Variants in PPP1R12B observed in about 807,000 individuals in gnomAD.
PPP1R12B encodes the protein protein phosphatase 1 regulatory subunit 12B, also known as myosin phosphatase target subunit 2.
Under a neutral mutation model 126.1 loss-of-function variants are expected in PPP1R12B, and 76 were observed. The ratio of observed to expected loss-of-function variants is 0.60; its 90% CI spans 0.50 to 0.73. The LOEUF (loss-of-function observed/expected upper bound fraction) is 0.73, where lower values mean the gene tolerates loss of function less well. Among genes scored for constraint, PPP1R12B ranks in the 30% least tolerant of loss-of-function variants. The pLI, the probability that PPP1R12B is intolerant of heterozygous loss-of-function variation, is 0.00. For missense variants in PPP1R12B, 1,052 were observed against 1,205.1 expected, an observed-to-expected ratio of 0.87 and a Z score of 1.88; for synonymous variants, 356 against 434.7, an observed-to-expected ratio of 0.82 and a Z score of 2.25.
intron 18 of PPP1R12B, chr1:202,501,845 G>T (rs1192340738): frequency 1.1e-5 from 11 of 984,252 alleles, no homozygotes; most frequent in Non-Finnish European, 1.3e-5. Flanking sequence ...CATCCATTTG[G>T]TTTTTTTACT....
chr1:202,435,438 AT>A (rs767925709), intron 9 of PPP1R12B, among the ~76,000 whole-genome samples: 3 of 152,192 alleles, frequency 2.0e-5, no homozygotes, highest in Non-Finnish European at 4.4e-5. Context: ...TCCAGCATTC[AT>A]TGTTTTGGTG....
At chr1:202,445,145 C>T in intron 12 of PPP1R12B, 2 of 1,246,746 alleles carry the variant, frequency 1.6e-6, no homozygotes, top group Non-Finnish European at 2.0e-6. Context: ...GTTCATCTAC[C>T]TCTCGGGGCA....
chr1:202,349,930 C>A (rs556549445), intron 1 of PPP1R12B, among the ~76,000 whole-genome samples: 1 of 152,078 alleles, frequency 6.6e-6, no homozygotes, highest in Non-Finnish European at 1.5e-5. Flanking sequence ...ACTTCTGTCA[C>A]CTAATGCAGC....
At chr1:202,580,093 C>T (rs536162778) in intron 23 of PPP1R12B, among the ~76,000 whole-genome samples, 1 of 152,290 alleles carries the variant, frequency 6.6e-6, no homozygotes, top group South Asian at 2.1e-4. Context: ...CCTATGTCCT[C>T]ACCAGCCCAT....
At chr1:202,449,315 G>T in intron 13 of PPP1R12B, 144 bp downstream of exon 13, 2 of 1,339,690 alleles carry the variant, frequency 1.5e-6, no homozygotes, top group Non-Finnish European at 2.0e-6. Flanking sequence ...TCACTCTGTC[G>T]CCCAGGCTGG....
At chr1:202,365,939 A>G (rs1350833346) in intron 1 of PPP1R12B, among the ~76,000 whole-genome samples, 2 of 152,084 alleles carry the variant, frequency 1.3e-5, no homozygotes, top group African/African-American at 2.4e-5. Context: ...GCAATGAACT[A>G]TGATTGCACC....
At chr1:202,420,472 G>C (rs1365828165) in intron 2 of PPP1R12B, among the ~76,000 whole-genome samples, 4 of 152,220 alleles carry the variant, frequency 2.6e-5, no homozygotes, top group African/African-American at 9.6e-5. Context: ...GTGGAAGAGA[G>C]CTGGGTGAGA....
intron 9 of PPP1R12B, among the ~76,000 whole-genome samples, chr1:202,436,268 A>C (rs370191877): frequency 1.3e-5 from 2 of 151,472 alleles, no homozygotes; most frequent in Non-Finnish European, 2.9e-5. Flanking sequence ...CGTGTCTCAA[A>C]AACAACAACA....
At chr1:202,409,856 A>G (rs1667163355) in intron 1 of PPP1R12B, among the ~76,000 whole-genome samples, 1 of 152,028 alleles carries the variant, frequency 6.6e-6, no homozygotes, top group African/African-American at 2.4e-5. Context: ...ATGAGGTGCT[A>G]TCTCATTGTA....
chr1:202,434,794 A>G, intron 9 of PPP1R12B, 26 bp downstream of exon 9: 1 of 1,611,494 alleles, frequency 6.2e-7, no homozygotes, highest in Non-Finnish European at 8.5e-7. Context: ...TTAATTTGGG[A>G]ATTAGATTTC....
In PPP1R12B at chr1:202,582,322, A is replaced by C. The variant is rs993523346; in HGVS notation, c.*1762A>C. The stretch of plus-strand genomic sequence containing the variant: ...CTGGAAAGAATACAAATCCAGTGCA[A>C]AATTAAACCATTAGTTCTTGATGAT... On this transcript the variant is annotated 3_prime_UTR_variant, in exon 24 of 24. Coordinates refer to ENST00000608999, the MANE Select transcript of PPP1R12B (RefSeq NM_002481.4). 2 of 152,674 alleles carry C rather than the reference A, an allele frequency of 1.3e-5. No individual in the cohort carries two copies. Among genetic ancestry groups the C allele is most frequent in the African/African-American group, 4.8e-5 (2 of 41,462 alleles). The allele number at this position is 152,674 out of a possible 1,614,324, so 9.5% of individuals were successfully genotyped here.
intron 1 of PPP1R12B, among the ~76,000 whole-genome samples, chr1:202,391,348 A>G (rs946475333): frequency 6.6e-6 from 1 of 152,178 alleles, no homozygotes; most frequent in African/African-American, 2.4e-5. Flanking sequence ...TGTACCCACT[A>G]GGATGACTAG....
chr1:202,562,930 C>A lies in PPP1R12B; in HGVS notation c.2652+8C>A, dbSNP rs768533037. On this transcript the variant is annotated splice_region_variant and intron_variant, in intron 20 of 23. Coordinates refer to ENST00000608999, the MANE Select transcript of PPP1R12B (RefSeq NM_002481.4). ...AACAGAGATTATAAAAAAGTAGGGT[C>A]TTTATTCAATTTTCCGGTTCTTTGG... 6.4e-7 allele frequency: 1 copy of A among 1,552,066 alleles called. No individual in the cohort carries two copies. Among genetic ancestry groups the A allele is most frequent in the Non-Finnish European group, 8.7e-7 (1 of 1,153,552 alleles).
chr1:202,472,645 G>A (rs1056340606), intron 13 of PPP1R12B, among the ~76,000 whole-genome samples: 1 of 152,192 alleles, frequency 6.6e-6, no homozygotes, highest in Non-Finnish European at 1.5e-5. Flanking sequence ...AAGAATTCAA[G>A]ATGATATAGT....
chr1:202,426,389 T>C (rs1434533589), intron 4 of PPP1R12B, among the ~76,000 whole-genome samples: 2 of 152,192 alleles, frequency 1.3e-5, no homozygotes, highest in African/African-American at 4.8e-5. Context: ...CTGATAGCGC[T>C]ATCCATAAGG....
At chr1:202,384,991 A>C (rs1662904358) in intron 1 of PPP1R12B, among the ~76,000 whole-genome samples, 1 of 152,254 alleles carries the variant, frequency 6.6e-6, no homozygotes, top group South Asian at 2.1e-4. Flanking sequence ...AACTGATAAT[A>C]ATTCTTTAAT....
rs562587614 is a variant in PPP1R12B, at chr1:202,406,057, T to C, written c.292-10730T>C. Among the ~76,000 whole-genome samples the C allele has an allele frequency of 2.6e-5, 4 of 152,334 alleles. No homozygotes were observed. The South Asian group carries it at 8.3e-4, about 32-fold the overall frequency. On this transcript the variant is annotated intron_variant, in intron 1 of 23. Coordinates refer to ENST00000608999, the MANE Select transcript of PPP1R12B (RefSeq NM_002481.4). ...TCAGATCCCAGGATTGTCTTCCTTC[T>C]TTTCCCCAGGCTTACTTGACAGCTA... is the stretch of plus-strand genomic sequence containing the variant.
At chr1:202,561,586 A>C (rs907554043) in intron 19 of PPP1R12B, among the ~76,000 whole-genome samples, 2 of 152,224 alleles carry the variant, frequency 1.3e-5, no homozygotes, top group African/African-American at 4.8e-5. Flanking sequence ...GTTATTTCTT[A>C]GGCAGGATTA....
chr1:202,391,306 A>G (rs1465693818), intron 1 of PPP1R12B, among the ~76,000 whole-genome samples: 1 of 152,168 alleles, frequency 6.6e-6, no homozygotes, highest in African/African-American at 2.4e-5. Flanking sequence ...TCATCAGGGA[A>G]ATGCAATGAA....
Sources: gnomAD v4.1 joint callset for allele counts (sites outside exome capture counted in the v4.1 genomes callset) on GRCh38, gnomAD v4.1.1 for gene constraint, MANE v1.5 for transcripts, NCBI Gene and HGNC (gene_info 2026-07-23, HGNC 2026-07-21) for gene names.